Variants in CCDC30 observed in about 807,000 individuals in gnomAD.
The protein encoded by CCDC30 is coiled-coil domain containing 30, also known as coiled-coil domain-containing protein 30.
CCDC30 carries 70 observed loss-of-function variants against 100.2 expected under a neutral mutation model. That is an observed-to-expected ratio of 0.70 (90% CI 0.58 to 0.85). CCDC30 has a LOEUF of 0.85. Ranked by LOEUF, CCDC30 falls within the 40% of genes least tolerant of loss-of-function variation. The pLI, the probability that CCDC30 is intolerant of heterozygous loss-of-function variation, is 0.00. For synonymous variants in CCDC30, 233 were observed against 269.5 expected (o/e 0.86, Z 1.33); for missense variants, 652 against 771.2 (o/e 0.85, Z 1.83).
At chr1:42,527,562 AG>A (rs1644740230) in intron 6 of CCDC30, among the ~76,000 whole-genome samples, 1 of 152,248 alleles carries the variant, frequency 6.6e-6, no homozygotes, top group Non-Finnish European at 1.5e-5. Flanking sequence ...ATAAGAAGAA[AG>A]GTGATTTTAT....
intron 11 of CCDC30, among the ~76,000 whole-genome samples, chr1:42,629,769 C>T (rs753273375): frequency 7.3e-5 from 11 of 150,216 alleles, no homozygotes; most frequent in Non-Finnish European, 1.5e-4. Flanking sequence ...GTGTGTGCCA[C>T]CACACCCAGC....
intron 7 of CCDC30, among the ~76,000 whole-genome samples, chr1:42,567,433 A>G (rs1288043175): frequency 2.0e-5 from 3 of 152,220 alleles, no homozygotes; most frequent in African/African-American, 7.2e-5. Flanking sequence ...GAAAAGTGAC[A>G]TAAACATGGA....
At chr1:42,508,788 CA>C (rs1036487279) in intron 6 of CCDC30, among the ~76,000 whole-genome samples, 2 of 150,768 alleles carry the variant, frequency 1.3e-5, no homozygotes, top group Non-Finnish European at 3.0e-5. Context: ...AGTGGCAAGA[CA>C]AAAAAAATGG....
At chr1:42,513,567 C>T (rs1176635057) in intron 6 of CCDC30, among the ~76,000 whole-genome samples, 1 of 152,162 alleles carries the variant, frequency 6.6e-6, no homozygotes, top group South Asian at 2.1e-4. Flanking sequence ...TTCACCTGTG[C>T]AAGTTTTCAG....
intron 10 of CCDC30, among the ~76,000 whole-genome samples, chr1:42,599,274 G>C (rs1408413): frequency 0.11 from 17,475 of 152,102 alleles, 1,237 homozygotes; most frequent in East Asian, 0.27. Context: ...GGGACAAGAA[G>C]GAAGAATTAG....
intron 10 of CCDC30, among the ~76,000 whole-genome samples, chr1:42,599,774 C>T (rs979106232): frequency 2.6e-5 from 4 of 152,188 alleles, no homozygotes. Context: ...TAATTTCAGA[C>T]AGCACATACT....
chr1:42,547,649 G>A (rs1645171149), intron 6 of CCDC30, among the ~76,000 whole-genome samples: 1 of 152,082 alleles, frequency 6.6e-6, no homozygotes, highest in South Asian at 2.1e-4. Context: ...TCCCATAACT[G>A]GGACTCTGAA....
chr1:42,584,341 A>G (rs1179796871), intron 9 of CCDC30, among the ~76,000 whole-genome samples: 2 of 152,230 alleles, frequency 1.3e-5, no homozygotes, highest in Non-Finnish European at 2.9e-5. Flanking sequence ...CTGTAATCCC[A>G]GCATGTTAGG....
chr1:42,642,475 G>C, exon 13 of CCDC30: 1 of 1,556,212 alleles, frequency 6.4e-7, no homozygotes, highest in Non-Finnish European at 8.7e-7. Flanking sequence ...ATCCCTAGGA[G>C]AAGGCAATAC....
At chr1:42,546,160 C>A (rs1645126203) in intron 6 of CCDC30, among the ~76,000 whole-genome samples, 1 of 150,792 alleles carries the variant, frequency 6.6e-6, no homozygotes, top group African/African-American at 2.4e-5. Flanking sequence ...CCAAGGCGGG[C>A]GGATCACCTG....
chr1:42,522,847 G>A (rs1275740107), intron 6 of CCDC30, among the ~76,000 whole-genome samples: 4 of 152,062 alleles, frequency 2.6e-5, no homozygotes, highest in East Asian at 1.9e-4. Context: ...AACAAAAAGT[G>A]GAGTTACAAA....
intron 1 of CCDC30, among the ~76,000 whole-genome samples, chr1:42,465,595 C>T (rs776511873): frequency 5.9e-5 from 9 of 152,134 alleles, no homozygotes; most frequent in Non-Finnish European, 1.3e-4. Context: ...GAACTCCTGA[C>T]CCCAGGTGAT....
chr1:42,595,781 A>G (rs568580279), intron 10 of CCDC30, among the ~76,000 whole-genome samples: 1 of 152,108 alleles, frequency 6.6e-6, no homozygotes, highest in East Asian at 1.9e-4. Flanking sequence ...AGCCTTAGTG[A>G]CTCCCTGAAA....
chr1:42,484,681 T>C (rs1644021443), intron 3 of CCDC30, among the ~76,000 whole-genome samples: 1 of 152,208 alleles, frequency 6.6e-6, no homozygotes, highest in Non-Finnish European at 1.5e-5. Flanking sequence ...GCATGTGTTA[T>C]ATGACAGTGT....
chr1:42,597,871 A>C (rs1449222429), intron 10 of CCDC30, among the ~76,000 whole-genome samples: 1 of 147,928 alleles, frequency 6.8e-6, no homozygotes, highest in East Asian at 2.1e-4. Flanking sequence ...CCTTAAAAAA[A>C]AAATCGCCAG....
At chr1:42,594,444 G>C (rs543780291) in intron 10 of CCDC30, 1 of 152,460 alleles carries the variant, frequency 6.6e-6, no homozygotes, top group East Asian at 1.9e-4. Flanking sequence ...AGCCCAGGAG[G>C]TCAAGGCTTC....
chr1:42,642,649 G>A lies in CCDC30; in HGVS notation c.1556+40G>A, dbSNP rs766698774. 7.6e-6 allele frequency: 11 copies of A among 1,447,074 alleles called. No individual in the cohort carries two copies. In the East Asian group the frequency reaches 1.8e-4, roughly 24 times the overall value. The allele number at this position is 1,447,074 out of a possible 1,614,324, so 89.6% of individuals were successfully genotyped here. On this transcript the variant is annotated intron_variant, in intron 13 of 16. Coordinates refer to ENST00000668663, the Ensembl canonical transcript of CCDC30. The stretch of plus-strand genomic sequence containing the variant: ...GCCTGGGAGCCAATAAACTCCACAA[G>A]AGGATGTTTCTCCCTCAACAAAGAG...
At chr1:42,615,310 T>G (rs1646704953) in intron 11 of CCDC30, among the ~76,000 whole-genome samples, 1 of 152,204 alleles carries the variant, frequency 6.6e-6, no homozygotes, top group Non-Finnish European at 1.5e-5. Context: ...TTTGTTTGTT[T>G]TTTGAGACAG....
intron 6 of CCDC30, among the ~76,000 whole-genome samples, chr1:42,521,835 A>G (rs183612702): frequency 2.0e-5 from 3 of 151,860 alleles, no homozygotes; most frequent in African/African-American, 7.2e-5. Context: ...TTTGAAATTG[A>G]ATGTTTATTT....
Sources: allele counts gnomAD v4.1 joint callset (sites outside exome capture counted in the v4.1 genomes callset), GRCh38; gene constraint gnomAD v4.1.1; transcripts MANE v1.5; gene names NCBI Gene and HGNC (gene_info 2026-07-23, HGNC 2026-07-21).